E2F3: variants seen among roughly 807,000 people sequenced by gnomAD.
E2F3 encodes the protein E2F transcription factor 3.
In E2F3, 11 loss-of-function variants were observed where a neutral mutation model predicts 44.4. That is an observed-to-expected ratio of 0.25 (90% CI 0.16 to 0.41). The LOEUF is 0.41. Ranked by LOEUF, E2F3 falls within the 10% of genes least tolerant of loss-of-function variation. The pLI is 1.00. For missense variants in E2F3, 487 were observed against 583.6 expected (o/e 0.83, Z 1.70); for synonymous variants, 249 against 253.0 (o/e 0.98, Z 0.15).
intron 1 of E2F3, among the ~76,000 whole-genome samples, chr6:20,423,758 C>G (rs1477090647): frequency 2.2e-5 from 3 of 138,120 alleles, no homozygotes; most frequent in African/African-American, 8.1e-5. Context: ...TGTGAGCCAC[C>G]ACACCCGGCC....
chr6:20,483,324 G>A (rs548514871), intron 4 of E2F3, among the ~76,000 whole-genome samples: 1 of 152,130 alleles, frequency 6.6e-6, no homozygotes, highest in Non-Finnish European at 1.5e-5. Flanking sequence ...GATTTTTGGT[G>A]GGTGTTAGCT....
chr6:20,457,348 C>CTTTTTT (rs60238519), intron 1 of E2F3, among the ~76,000 whole-genome samples: 8 of 109,468 alleles, frequency 7.3e-5, no homozygotes, highest in Non-Finnish European at 8.7e-5. Flanking sequence ...CTTATTTTTT[C>CTTTTTT]TTTTTTTTTT....
chr6:20,441,725 ATTTTTT>A (rs70990031), intron 1 of E2F3, among the ~76,000 whole-genome samples: 4 of 119,360 alleles, frequency 3.4e-5, no homozygotes, highest in African/African-American at 1.2e-4. Flanking sequence ...CGCGTGGGTA[ATTTTTT>A]TTTTTTTTTT....
At chr6:20,444,933 G>T (rs1183440751) in intron 1 of E2F3, among the ~76,000 whole-genome samples, 1 of 152,220 alleles carries the variant, frequency 6.6e-6, no homozygotes, top group African/African-American at 2.4e-5. Flanking sequence ...TCATGCTGGG[G>T]ACAGCCGTTT....
intron 1 of E2F3, among the ~76,000 whole-genome samples, chr6:20,410,866 C>T (rs946490500): frequency 6.6e-5 from 10 of 152,222 alleles, no homozygotes; most frequent in Non-Finnish European, 1.5e-4. Context: ...AGGTGATCTG[C>T]CCGCCTCGGC....
intron 1 of E2F3, among the ~76,000 whole-genome samples, chr6:20,422,375 A>G (rs1207699264): frequency 1.3e-5 from 2 of 152,246 alleles, no homozygotes; most frequent in South Asian, 2.1e-4. Context: ...TCTTCTATCC[A>G]GACCACTCAA....
chr6:20,462,857 CTCTTTTTTTTT>C (rs1581631128), intron 1 of E2F3, among the ~76,000 whole-genome samples: 1 of 107,514 alleles, frequency 9.3e-6, no homozygotes, highest in African/African-American at 3.5e-5. Flanking sequence ...TTCTCTCTCT[CTCTTTTTTTTT>C]TTTTTTTTTT....
rs1759318992 is a variant in E2F3, at chr6:20,402,001, G to T, written c.-232G>T. ...CCCCGACGCCTCCATCCCCGCTTGG[G>T]GCCCGATATCCGTGCGGCCGGGACC... On this transcript the variant is annotated 5_prime_UTR_variant, in exon 1 of 7. Coordinates refer to ENST00000346618, the MANE Select transcript of E2F3 (RefSeq NM_001949.5). The surrounding 1 kb of genome is among the most constrained non-coding windows in gnomAD (Gnocchi z 5.6). The T allele has an allele frequency of 3.2e-6, 2 of 617,640 alleles. No homozygotes were observed. Among genetic ancestry groups the T allele is most frequent in the Non-Finnish European group, 4.8e-6 (2 of 419,900 alleles). 38.3% of individuals were successfully genotyped at this position (617,640 alleles called of 1,614,324 possible). A position where few individuals can be genotyped will look rare whatever the true frequency, so the allele number is the denominator to read the frequency against.
In E2F3 at chr6:20,481,708, A is replaced by C. The variant is rs148268923; in HGVS notation, c.725+283A>C. 3.9e-5 allele frequency among the ~76,000 whole-genome samples: 6 copies of C among 152,212 alleles called. No individual in the cohort carries two copies. In the East Asian group the frequency reaches 1.2e-3, roughly 30 times the overall value. The stretch of plus-strand genomic sequence containing the variant: ...AGAGGTCCCTGCAGTTGGAAAGTGG[A>C]CTGCTGTTCATCTGTTACATAGATG... On this transcript the variant is annotated intron_variant, in intron 3 of 6. Transcript: ENST00000346618.
rs1759358104 is a variant in E2F3, at chr6:20,402,951, C to G, written c.393+326C>G. ...CTCTCCCTTCCCCTCCAACTCGAAGCTTCCTCTTTCTCGGGCGTAGGAAGG... is the reference window on the plus strand; with the variant it reads ...CTCTCCCTTCCCCTCCAACTCGAAGGTTCCTCTTTCTCGGGCGTAGGAAGG... On this transcript the variant is annotated intron_variant, in intron 1 of 6. Coordinates refer to ENST00000346618, the MANE Select transcript of E2F3 (RefSeq NM_001949.5). This position sits in a 1 kb window ranked among gnomAD's most constrained non-coding sequence, Gnocchi z 5.6. 6.6e-6 allele frequency among the ~76,000 whole-genome samples: 1 copy of G among 152,106 alleles called. No individual in the cohort carries two copies. Among genetic ancestry groups the G allele is most frequent in the South Asian group, 2.1e-4 (1 of 4,824 alleles).
chr6:20,402,043 C>A lies in E2F3; in HGVS notation c.-190C>A. On this transcript the variant is annotated 5_prime_UTR_variant, in exon 1 of 7. Transcript: ENST00000346618. The surrounding 1 kb of genome is among the most constrained non-coding windows in gnomAD (Gnocchi z 5.6). ...GCCGGGACCCTCCTCTCTCCAGAGCCCCGATTATTTTTGGCCCCCGGGGCC... is the reference window on the plus strand; with the variant it reads ...GCCGGGACCCTCCTCTCTCCAGAGCACCGATTATTTTTGGCCCCCGGGGCC... 9.8e-7 allele frequency: 1 copy of A among 1,019,234 alleles called. No individual in the cohort carries two copies. Among genetic ancestry groups the A allele is most frequent in the Non-Finnish European group, 1.3e-6 (1 of 750,652 alleles). 63.1% of individuals were successfully genotyped at this position (1,019,234 alleles called of 1,614,324 possible). A position where few individuals can be genotyped will look rare whatever the true frequency, so the allele number is the denominator to read the frequency against.
In E2F3 at chr6:20,414,670, G is replaced by A. The variant is rs568622496; in HGVS notation, c.393+12045G>A. Among the ~76,000 whole-genome samples, 5 of 152,206 alleles carry A rather than the reference G, an allele frequency of 3.3e-5. No individual in the cohort carries two copies. In the South Asian group the frequency reaches 6.2e-4, roughly 19 times the overall value. ...GTTGGCTAATTTTGTCGCTATGTTG[G>A]GTAGCAGAACTTGTGACGATCACAC... On this transcript the variant is annotated intron_variant, in intron 1 of 6. Coordinates refer to ENST00000346618, the MANE Select transcript of E2F3 (RefSeq NM_001949.5).
chr6:20,436,092 T>C (rs763237606), intron 1 of E2F3, among the ~76,000 whole-genome samples: 6 of 151,716 alleles, frequency 4.0e-5, no homozygotes, highest in Admixed American at 6.5e-5. Context: ...GCAATTCTTC[T>C]GCCTCAGCCT....
At chr6:20,465,352 T>G (rs1324224599) in intron 1 of E2F3, among the ~76,000 whole-genome samples, 1 of 152,238 alleles carries the variant, frequency 6.6e-6, no homozygotes, top group Non-Finnish European at 1.5e-5. Context: ...TCAAACCCCT[T>G]TATGTCGAGA....
intron 1 of E2F3, among the ~76,000 whole-genome samples, chr6:20,423,296 G>C (rs1378888159): frequency 6.6e-6 from 1 of 152,138 alleles, no homozygotes; most frequent in African/African-American, 2.4e-5. Context: ...CTACAAACCT[G>C]TACTGTATGT....
chr6:20,485,437 G>A (rs1374471495), intron 4 of E2F3, among the ~76,000 whole-genome samples: 12 of 151,972 alleles, frequency 7.9e-5, no homozygotes, highest in South Asian at 4.2e-4. Context: ...AAAATTAGCC[G>A]GGTGTGGTGG....
At chr6:20,483,049 GTGTGTA>G in intron 4 of E2F3, 129 bp downstream of exon 4, 2 of 1,327,412 alleles carry the variant, frequency 1.5e-6, no homozygotes, top group Non-Finnish European at 2.1e-6. Context: ...GTGTGCCTGT[GTGTGTA>G]TGTGTGTGTG....
chr6:20,477,591 T>C (rs1472568316), intron 1 of E2F3, among the ~76,000 whole-genome samples: 1 of 152,182 alleles, frequency 6.6e-6, no homozygotes, highest in Non-Finnish European at 1.5e-5. Flanking sequence ...CCTGTTAGAT[T>C]GCTCAGCCCC....
Position 20,493,199 on chromosome 6 carries a change from A to G in E2F3, c.*2769A>G, listed in dbSNP as rs1265715561. On this transcript the variant is annotated 3_prime_UTR_variant, in exon 7 of 7. Transcript: ENST00000346618. ...TTTCTAGCTGCTTTGTAATTTTTTA[A>G]GAGTGTTATTTTGTTTTTGTTTTTC... The G allele has an allele frequency of 4.0e-5, 9 of 226,612 alleles. No homozygotes were observed. The highest frequency in any genetic ancestry group is 2.0e-4 in the African/African-American group (9 of 44,976). The allele number at this position is 226,612 out of a possible 1,614,324, so 14.0% of individuals were successfully genotyped here. A position where few individuals can be genotyped will look rare whatever the true frequency, so the allele number is the denominator to read the frequency against.
Sources: gnomAD v4.1 joint callset for allele counts (sites outside exome capture counted in the v4.1 genomes callset) on GRCh38, gnomAD v4.1.1 for gene constraint, Gnocchi (gnomAD v3.1) non-coding constraint, MANE v1.5 for transcripts, NCBI Gene and HGNC (gene_info 2026-07-23, HGNC 2026-07-21) for gene names.